Variants in ACSL5 observed in about 807,000 individuals in gnomAD.
ACSL5 encodes long-chain-fatty-acid--CoA ligase 5.
Under a neutral mutation model 84.9 loss-of-function variants are expected in ACSL5, and 50 were observed. The ratio of observed to expected loss-of-function variants is 0.59; its 90% CI spans 0.47 to 0.75. The LOEUF (loss-of-function observed/expected upper bound fraction) is 0.75. Among genes scored for constraint, ACSL5 ranks in the 30% least tolerant of loss-of-function variants. ACSL5 has a pLI of 0.00. For missense variants in ACSL5, 775 were observed against 830.4 expected (o/e 0.93, Z 0.82); for synonymous variants, 280 against 300.7 (o/e 0.93, Z 0.71).
At chr10:112,378,762 A>G (rs1849292350) in intron 1 of ACSL5, among the ~76,000 whole-genome samples, 1 of 151,928 alleles carries the variant, frequency 6.6e-6, no homozygotes, top group African/African-American at 2.4e-5. Flanking sequence ...ATCTGGGTCT[A>G]TTTCTCCCCT....
chr10:112,413,365 G>A, intron 12 of ACSL5, 58 bp downstream of exon 12: 1 of 1,589,558 alleles, frequency 6.3e-7, no homozygotes, highest in Non-Finnish European at 8.6e-7. Flanking sequence ...AAGGAACTCT[G>A]TACTACTATG....
chr10:112,425,678 C>T lies in ACSL5; in HGVS notation c.1737+197C>T, dbSNP rs185059345. 2.7e-5 allele frequency: 13 copies of T among 475,080 alleles called. No homozygotes were observed. In the East Asian group the frequency reaches 3.5e-4, roughly 13 times the overall value. The allele number at this position is 475,080 out of a possible 1,614,324, so 29.4% of individuals were successfully genotyped here. A position where few individuals can be genotyped will look rare whatever the true frequency, so the allele number is the denominator to read the frequency against. On this transcript the variant is annotated intron_variant, in intron 18 of 20. Coordinates refer to ENST00000354655, the MANE Select transcript of ACSL5 (RefSeq NM_203379.2). ...TAAAAAATTTCAAAACTATGATGGA[C>T]GTTGTACACAAGTCAGTAGAATTGT...
chr10:112,394,818 G>GTGTA, intron 1 of ACSL5, 100 bp from the exon 2 acceptor site: 1 of 1,530,248 alleles, frequency 6.5e-7, no homozygotes, highest in South Asian at 1.2e-5. Context: ...GCGTGTGTGT[G>GTGTA]TGTATGTGTG....
chr10:112,415,196 T>G (rs7904008), intron 12 of ACSL5, among the ~76,000 whole-genome samples: 71,957 of 152,124 alleles, frequency 0.47, 17,468 homozygotes, highest in South Asian at 0.58. Flanking sequence ...ATGTATTTTT[T>G]TTTTGTTTTG....
At chr10:112,383,255 C>T (rs866252048) in intron 1 of ACSL5, among the ~76,000 whole-genome samples, 1 of 152,182 alleles carries the variant, frequency 6.6e-6, no homozygotes, top group Non-Finnish European at 1.5e-5. Context: ...GATGGGGCTG[C>T]GATAGCGCCA....
intron 2 of ACSL5, 79 bp downstream of exon 2, chr10:112,395,181 G>A: frequency 7.1e-7 from 1 of 1,402,814 alleles, no homozygotes; most frequent in Admixed American, 1.9e-5. Flanking sequence ...GATAGCTCAT[G>A]AAGGGGATTG....
At chr10:112,394,265 G>T (rs1843700074) in intron 1 of ACSL5, among the ~76,000 whole-genome samples, 1 of 152,176 alleles carries the variant, frequency 6.6e-6, no homozygotes, top group Non-Finnish European at 1.5e-5. Context: ...CTGACAGTTT[G>T]CCTCACAGTA....
chr10:112,409,693 T>A lies in ACSL5; in HGVS notation c.711+8T>A. Reference sequence around the variant, plus strand: ...TCCCTATATGATGCTGAGGTATGGATCTGAAATTTAGCTTGCAGCTCCAAT... The same window carrying A: ...TCCCTATATGATGCTGAGGTATGGAACTGAAATTTAGCTTGCAGCTCCAAT... On this transcript the variant is annotated splice_region_variant and intron_variant, in intron 7 of 20. Transcript: ENST00000354655. The A allele has an allele frequency of 6.2e-7, 1 of 1,612,644 alleles. No homozygotes were observed. The highest frequency in any genetic ancestry group is 8.5e-7 in the Non-Finnish European group (1 of 1,178,828).
chr10:112,375,908 C>G (rs770742511), intron 1 of ACSL5, among the ~76,000 whole-genome samples: 2 of 152,206 alleles, frequency 1.3e-5, no homozygotes, highest in Non-Finnish European at 2.9e-5. Flanking sequence ...GAGGTACCCT[C>G]TAGCCAGACT....
intron 12 of ACSL5, 99 bp from the exon 13 acceptor site, chr10:112,416,789 A>T: frequency 7.5e-7 from 1 of 1,341,910 alleles, no homozygotes; most frequent in Non-Finnish European, 1.0e-6. Context: ...CTGTGAGACC[A>T]CTTCCTTATA....
At position 112,422,315 on chromosome 10, in the gene ACSL5, T is replaced by C; in HGVS notation, c.1477-10T>C. ...TGCTATTGTCACCGCCTTGTATGTCTGCTGTGCAGGTCTGCATCAAGGGTA... is the reference window on the plus strand; with the variant it reads ...TGCTATTGTCACCGCCTTGTATGTCCGCTGTGCAGGTCTGCATCAAGGGTA... On this transcript the variant is annotated splice_polypyrimidine_tract_variant and intron_variant, in intron 16 of 20. Coordinates refer to ENST00000354655, the MANE Select transcript of ACSL5 (RefSeq NM_203379.2). 1 of 1,609,486 alleles carries C rather than the reference T, an allele frequency of 6.2e-7. No individual in the cohort carries two copies. The highest frequency in any genetic ancestry group is 8.5e-7 in the Non-Finnish European group (1 of 1,176,900).
intron 15 of ACSL5, 82 bp from the exon 16 acceptor site, chr10:112,421,865 C>A (rs1814102118): frequency 1.2e-5 from 17 of 1,454,648 alleles, no homozygotes; most frequent in Non-Finnish European, 1.6e-5. Context: ...CTTCTAGAGT[C>A]AATTCATAAA....
intron 1 of ACSL5, among the ~76,000 whole-genome samples, chr10:112,379,781 G>C (rs772600745): frequency 6.6e-6 from 1 of 152,206 alleles, no homozygotes; most frequent in Admixed American, 6.5e-5. Flanking sequence ...GGAAGGGCAC[G>C]ACCTTGAAAG....
At position 112,427,271 on chromosome 10, in the gene ACSL5, G is replaced by T. The variant is rs1844767845; in HGVS notation, c.1965G>T (p.Leu655Phe). ...CATTTTCCATTGAAAATGGGCTCTT[G>T]ACACCAACATTGAAAGCAAAGCGAG... ...PEPFSIENGL[L>F]TPTLKAKRGE... The change falls in exon 21 of 21, where the codon TTG becomes TTT. Residue 655 changes from leucine (L) to phenylalanine (F), a missense_variant. By Grantham distance (22) the Leu-to-Phe change is conservative (BLOSUM62 0). Transcript: ENST00000354655. 3.7e-6 allele frequency: 6 copies of T among 1,613,834 alleles called. No individual in the cohort carries two copies. Among genetic ancestry groups the T allele is most frequent in the South Asian group, 1.1e-5 (1 of 91,016 alleles).
chr10:112,376,631 C>T (rs1249962829), intron 1 of ACSL5, among the ~76,000 whole-genome samples: 1 of 152,032 alleles, frequency 6.6e-6, no homozygotes, highest in African/African-American at 2.4e-5. Context: ...GACCCTGTGT[C>T]AGGAGGAGCA....
chr10:112,376,973 G>A (rs1024416160), intron 1 of ACSL5, among the ~76,000 whole-genome samples: 6 of 145,244 alleles, frequency 4.1e-5, no homozygotes, highest in Non-Finnish European at 7.6e-5. Context: ...CCCTCAGGGA[G>A]TAAGCACTGG....
intron 1 of ACSL5, 70 bp downstream of exon 1, chr10:112,374,339 G>A (rs1257848131): frequency 2.0e-5 from 3 of 152,134 alleles, no homozygotes; most frequent in East Asian, 3.8e-4. Context: ...GGATTGGTGT[G>A]GGGAAAGAAA....
intron 9 of ACSL5, 35 bp from the exon 10 acceptor site, chr10:112,411,421 A>T (rs770150331): frequency 3.2e-6 from 5 of 1,556,896 alleles, no homozygotes; most frequent in Non-Finnish European, 4.4e-6. Flanking sequence ...TTAGCTACAT[A>T]AAGTATCTTT....
chr10:112,416,596 A>AC (rs1325846677), intron 12 of ACSL5, among the ~76,000 whole-genome samples: 2 of 151,440 alleles, frequency 1.3e-5, no homozygotes, highest in African/African-American at 4.9e-5. Context: ...TAAATCTAGT[A>AC]CCCCCCAGGT....
Sources: allele counts gnomAD v4.1 joint callset (sites outside exome capture counted in the v4.1 genomes callset), GRCh38; gene constraint gnomAD v4.1.1; transcripts MANE v1.5; gene names NCBI Gene and HGNC (gene_info 2026-07-23, HGNC 2026-07-21).